Variants in SLC24A2 observed in about 807,000 individuals in gnomAD.
SLC24A2 encodes the protein solute carrier family 24 member 2.
Under a neutral mutation model 62.0 loss-of-function variants are expected in SLC24A2, and 36 were observed. The ratio of observed to expected loss-of-function variants is 0.58; its 90% confidence interval spans 0.44 to 0.77. The LOEUF is 0.77. SLC24A2 is among the 30% of genes least tolerant of loss of function. The pLI is 0.00. For missense variants in SLC24A2, 846 were observed against 817.9 expected (o/e 1.03, Z -0.42); for synonymous variants, 358 against 294.0 (o/e 1.22, Z -2.23).
At chr9:19,702,481 C>G (rs963281309) in intron 2 of SLC24A2, among the ~76,000 whole-genome samples, 1 of 152,114 alleles carries the variant, frequency 6.6e-6, no homozygotes, top group Non-Finnish European at 1.5e-5. Context: ...TGACTTGTCG[C>G]ATAACAGAAA....
chr9:19,934,548 G>C, the SLC24A2 span, among the ~76,000 whole-genome samples: 2 of 152,150 alleles, frequency 1.3e-5, no homozygotes, highest in African/African-American at 4.8e-5. The surrounding 1 kb of genome is among the most constrained non-coding windows in gnomAD (Gnocchi z 4.1). Context: ...CGCCCATGGC[G>C]GGGCTCCGGA....
At chr9:19,889,542 T>A in the SLC24A2 span, among the ~76,000 whole-genome samples, 14 of 152,316 alleles carry the variant, frequency 9.2e-5, no homozygotes, top group African/African-American at 3.1e-4. Flanking sequence ...CTTCCCCTAT[T>A]GTCTTTTCAG....
intron 2 of SLC24A2, among the ~76,000 whole-genome samples, chr9:19,742,579 T>G (rs1269769420): frequency 1.3e-5 from 2 of 152,184 alleles, no homozygotes; most frequent in African/African-American, 2.4e-5. Flanking sequence ...TTTTTAAGTA[T>G]AGGAAGGTTG....
the SLC24A2 span, among the ~76,000 whole-genome samples, chr9:20,234,150 GC>G: frequency 6.6e-6 from 1 of 152,152 alleles, no homozygotes; most frequent in Non-Finnish European, 1.5e-5. Flanking sequence ...CTCTCTGGCT[GC>G]CCTTAACATT....
At chr9:19,647,861 A>T (rs1192288835) in intron 2 of SLC24A2, among the ~76,000 whole-genome samples, 1 of 152,244 alleles carries the variant, frequency 6.6e-6, no homozygotes, top group Non-Finnish European at 1.5e-5. Flanking sequence ...AAACAAGGTT[A>T]TAGGGTATCT....
chr9:19,962,792 T>C, the SLC24A2 span, among the ~76,000 whole-genome samples: 1 of 152,206 alleles, frequency 6.6e-6, no homozygotes, highest in Non-Finnish European at 1.5e-5. Flanking sequence ...TATACAATCA[T>C]GTTGTCTGCA....
intron 2 of SLC24A2, among the ~76,000 whole-genome samples, chr9:19,753,050 C>T (rs146732936): frequency 6.6e-6 from 1 of 152,174 alleles, no homozygotes; most frequent in African/African-American, 2.4e-5. Flanking sequence ...CCTCAGGTGC[C>T]AGGAGTAAGA....
At chr9:20,070,511 G>A in the SLC24A2 span, among the ~76,000 whole-genome samples, 5 of 152,154 alleles carry the variant, frequency 3.3e-5, no homozygotes, top group Non-Finnish European at 7.3e-5. Context: ...CAAAGAAACC[G>A]CAGGCAGCAT....
chr9:20,139,658 T>C, the SLC24A2 span, among the ~76,000 whole-genome samples: 4 of 152,162 alleles, frequency 2.6e-5, no homozygotes, highest in African/African-American at 9.7e-5. Context: ...TTTGTTCCCA[T>C]AAAAATATAG....
chr9:20,196,715 A>G, the SLC24A2 span, among the ~76,000 whole-genome samples: 1 of 152,218 alleles, frequency 6.6e-6, no homozygotes, highest in Non-Finnish European at 1.5e-5. Flanking sequence ...AAGGATTTGC[A>G]TTTTCCCACC....
At chr9:19,905,115 T>C in the SLC24A2 span, among the ~76,000 whole-genome samples, 36 of 152,304 alleles carry the variant, frequency 2.4e-4, no homozygotes, top group East Asian at 3.1e-3. Context: ...TTGGGACTTA[T>C]TGATGCTTAG....
chr9:20,177,776 C>T, the SLC24A2 span, among the ~76,000 whole-genome samples: 1 of 152,240 alleles, frequency 6.6e-6, no homozygotes, highest in South Asian at 2.1e-4. Flanking sequence ...GACTATACCA[C>T]ATACAGTATA....
At chr9:19,554,610 T>C (rs1326580489) in intron 7 of SLC24A2, among the ~76,000 whole-genome samples, 15 of 152,170 alleles carry the variant, frequency 9.9e-5, no homozygotes, top group Admixed American at 9.8e-4. Flanking sequence ...CTCGGCAAGG[T>C]GTGGCAATGT....
At chr9:19,828,392 G>T in the SLC24A2 span, among the ~76,000 whole-genome samples, 2 of 151,820 alleles carry the variant, frequency 1.3e-5, no homozygotes, top group African/African-American at 4.8e-5. Flanking sequence ...AACATCACAT[G>T]CACCCCATAA....
the SLC24A2 span, among the ~76,000 whole-genome samples, chr9:20,043,744 AG>A: frequency 6.6e-6 from 1 of 152,226 alleles, no homozygotes; most frequent in Non-Finnish European, 1.5e-5. Flanking sequence ...CTTATGGAGG[AG>A]GAAAGAAAGT....
At chr9:20,188,946 A>T in the SLC24A2 span, among the ~76,000 whole-genome samples, 1 of 152,334 alleles carries the variant, frequency 6.6e-6, no homozygotes, top group South Asian at 2.1e-4. Flanking sequence ...TAATACAAGC[A>T]GGAAATCTGA....
rs1288181642 is a variant in SLC24A2, at chr9:19,636,286, C to CTTTTCTTTTCTTTTCTTTT, written c.931-13988_931-13987insAAAAGAAAAGAAAAGAAAA. ...TTTTCTTCTCTTCTTCTCTTCTTCT[C>CTTTTCTTTTCTTTTCTTTT]TTCTTTTCTTTTCTTTTCTTTTCTT... On this transcript the variant is annotated intron_variant, in intron 2 of 10. Coordinates refer to ENST00000341998, the MANE Select transcript of SLC24A2 (RefSeq NM_020344.4). Among the ~76,000 whole-genome samples the CTTTTCTTTTCTTTTCTTTT allele has an allele frequency of 2.3e-5, 2 of 88,086 alleles. 1 individual carries two copies. The highest frequency in any genetic ancestry group is 4.6e-5 in the Non-Finnish European group (2 of 43,662). 57.8% of individuals were successfully genotyped at this position (88,086 alleles called of 152,430 possible).
intron 2 of SLC24A2, among the ~76,000 whole-genome samples, chr9:19,671,893 T>C (rs1819428912): frequency 6.9e-6 from 1 of 145,572 alleles, no homozygotes; most frequent in Non-Finnish European, 1.5e-5. Context: ...CCTGCATCCC[T>C]GGTATGAAAC....
At chr9:19,528,188 CTG>C in intron 8 of SLC24A2, 50 bp from the exon 9 acceptor site, 6 of 1,230,348 alleles carry the variant, frequency 4.9e-6, no homozygotes, top group Non-Finnish European at 7.0e-6. Context: ...TCCATTGAGA[CTG>C]ATCTGGAAAT....
Sources: allele counts gnomAD v4.1 joint callset (sites outside exome capture counted in the v4.1 genomes callset), GRCh38; gene constraint gnomAD v4.1.1; non-coding constraint Gnocchi (gnomAD v3.1); transcripts MANE v1.5; gene names NCBI Gene and HGNC (gene_info 2026-07-23, HGNC 2026-07-21).